The following CLASP1 variants were observed in gnomAD, a reference collection of about 807,000 sequenced individuals.
CLASP1 encodes the protein cytoplasmic linker associated protein 1.
Under a neutral mutation model 192.3 loss-of-function variants are expected in CLASP1, and 38 were observed. That is an observed-to-expected ratio of 0.20 (90% CI 0.15 to 0.26). The LOEUF is 0.26. CLASP1 is among the 10% of genes least tolerant of loss of function. The pLI is 1.00. For missense variants in CLASP1, 1,433 were observed against 1,932.5 expected (o/e 0.74, Z 4.85); for synonymous variants, 691 against 712.8 (o/e 0.97, Z 0.49).
chr2:121,417,106 C>T lies in CLASP1; in HGVS notation c.2320+1516G>A, dbSNP rs926622283. On this transcript the variant is annotated intron_variant, in intron 23 of 39. Coordinates refer to ENST00000263710, the Ensembl canonical transcript of CLASP1. ...TTCTGCCTTGGTAGTGGCAATTACA[C>T]ATTTCAACATTCTGGGTTGTCACCA... Among the ~76,000 whole-genome samples, 3 of 152,342 alleles carry T rather than the reference C, an allele frequency of 2.0e-5. No homozygotes were observed. The East Asian group carries it at 5.8e-4, about 29-fold the overall frequency.
At chr2:121,351,149 CCAT>C (rs1439992668) in intron 37 of CLASP1, among the ~76,000 whole-genome samples, 1 of 152,164 alleles carries the variant, frequency 6.6e-6, no homozygotes, top group African/African-American at 2.4e-5. Context: ...ACAGCCAGCG[CCAT>C]CATCATGACT....
chr2:121,448,376 T>C (rs2084780096), intron 17 of CLASP1, 51 bp from the exon 18 acceptor site: 7 of 1,354,892 alleles, frequency 5.2e-6, no homozygotes, highest in Non-Finnish European at 7.4e-6. Flanking sequence ...CCTGAATTAA[T>C]ACAAATACAA....
At chr2:121,509,905 C>A (rs149316765) in intron 7 of CLASP1, among the ~76,000 whole-genome samples, 7 of 152,086 alleles carry the variant, frequency 4.6e-5, no homozygotes, top group Middle Eastern at 3.4e-3. Context: ...TGTTCTCTAA[C>A]CACAATTTGA....
intron 8 of CLASP1, among the ~76,000 whole-genome samples, chr2:121,498,039 T>C (rs2150204730): frequency 6.6e-6 from 1 of 152,208 alleles, no homozygotes; most frequent in Non-Finnish European, 1.5e-5. Context: ...TTTTGTATTT[T>C]AGCAGAGACG....
intron 2 of CLASP1, among the ~76,000 whole-genome samples, chr2:121,579,516 T>A (rs941782567): frequency 7.2e-5 from 11 of 152,214 alleles, no homozygotes; most frequent in Non-Finnish European, 1.3e-4. Context: ...CAACCACTAA[T>A]GCAATTCTCA....
chr2:121,420,044 T>C (rs2079225890), intron 22 of CLASP1, among the ~76,000 whole-genome samples: 1 of 151,992 alleles, frequency 6.6e-6, no homozygotes, highest in Non-Finnish European at 1.5e-5. Flanking sequence ...TAAAGCCAAC[T>C]TTCTATTGTG....
intron 8 of CLASP1, among the ~76,000 whole-genome samples, chr2:121,482,047 T>C (rs1243403949): frequency 6.6e-6 from 1 of 152,198 alleles, no homozygotes; most frequent in Non-Finnish European, 1.5e-5. Flanking sequence ...AACCCTCGGA[T>C]GTGACCCGTA....
chr2:121,526,843 T>C (rs2094586619), intron 5 of CLASP1, among the ~76,000 whole-genome samples: 1 of 152,202 alleles, frequency 6.6e-6, no homozygotes, highest in South Asian at 2.1e-4. Context: ...TTGAAATTTA[T>C]AATTTTTAAA....
intron 22 of CLASP1, among the ~76,000 whole-genome samples, chr2:121,422,510 A>C (rs998170435): frequency 3.9e-5 from 6 of 152,214 alleles, no homozygotes; most frequent in African/African-American, 1.2e-4. Context: ...GATACTAGTG[A>C]TTTATGTGAC....
chr2:121,585,044 C>T (rs1347902810), intron 2 of CLASP1, among the ~76,000 whole-genome samples: 1 of 152,206 alleles, frequency 6.6e-6, no homozygotes, highest in East Asian at 1.9e-4. Flanking sequence ...TTTACCCTCA[C>T]GACAACCCTA....
intron 34 of CLASP1, among the ~76,000 whole-genome samples, chr2:121,373,289 T>C (rs2069174150): frequency 6.6e-6 from 1 of 152,192 alleles, no homozygotes; most frequent in Non-Finnish European, 1.5e-5. Flanking sequence ...CTGCCATGAT[T>C]GTAAGTTTCC....
chr2:121,448,915 A>T, intron 17 of CLASP1, 38 bp downstream of exon 17: 1 of 1,585,780 alleles, frequency 6.3e-7, no homozygotes, highest in African/African-American at 1.3e-5. Context: ...TTAAATACAA[A>T]TTCTCACATG....
intron 30 of CLASP1, among the ~76,000 whole-genome samples, chr2:121,392,818 G>A (rs1271065886): frequency 6.6e-6 from 1 of 152,136 alleles, no homozygotes; most frequent in Non-Finnish European, 1.5e-5. Context: ...CTCCCACACT[G>A]AGAAAATGGA....
chr2:121,456,331 G>A (rs184703790), intron 14 of CLASP1, among the ~76,000 whole-genome samples: 32 of 147,900 alleles, frequency 2.2e-4, no homozygotes, highest in Non-Finnish European at 4.0e-4. Flanking sequence ...TGAGACCCCC[G>A]TCTCTAAAAA....
chr2:121,360,805 C>T (rs2066249962), intron 37 of CLASP1, among the ~76,000 whole-genome samples: 1 of 152,210 alleles, frequency 6.6e-6, no homozygotes, highest in African/African-American at 2.4e-5. Flanking sequence ...ACATCTCCTC[C>T]ACCAGCTCTA....
At chr2:121,396,856 A>G (rs2075362651) in intron 30 of CLASP1, among the ~76,000 whole-genome samples, 1 of 152,232 alleles carries the variant, frequency 6.6e-6, no homozygotes, top group Non-Finnish European at 1.5e-5. Context: ...AACTGATATA[A>G]GGAAAACAAA....
chr2:121,360,827 T>C (rs2066254671), intron 37 of CLASP1, among the ~76,000 whole-genome samples: 1 of 152,220 alleles, frequency 6.6e-6, no homozygotes, highest in East Asian at 1.9e-4. Flanking sequence ...CACAAGTCAG[T>C]AACAGCAGCA....
intron 2 of CLASP1, among the ~76,000 whole-genome samples, chr2:121,567,410 C>T (rs929809355): frequency 3.9e-5 from 6 of 152,180 alleles, no homozygotes; most frequent in Non-Finnish European, 8.8e-5. Flanking sequence ...CAGCATTGCT[C>T]GGCACTATTT....
intron 22 of CLASP1, among the ~76,000 whole-genome samples, chr2:121,419,083 GCAAAC>G (rs2079070479): frequency 6.6e-6 from 1 of 152,178 alleles, no homozygotes; most frequent in Non-Finnish European, 1.5e-5. Flanking sequence ...TATGAGCTTA[GCAAAC>G]TTCTCAACAA....
Sources: gnomAD v4.1 joint callset for allele counts (sites outside exome capture counted in the v4.1 genomes callset) on GRCh38, gnomAD v4.1.1 for gene constraint, MANE v1.5 for transcripts, NCBI Gene and HGNC (gene_info 2026-07-23, HGNC 2026-07-21) for gene names.